The following CSMD1 variants were observed in gnomAD, a reference collection of about 807,000 sequenced individuals.
CSMD1 encodes CUB and sushi domain-containing protein 1.
CSMD1 carries 213 observed loss-of-function variants against 417.5 expected under a neutral mutation model. The observed-to-expected ratio is 0.51, with a 90% confidence interval of 0.46 to 0.57. The LOEUF is 0.57. CSMD1 is among the 20% of genes least tolerant of loss of function. The pLI is 0.00. For missense variants in CSMD1, 6,923 were observed against 4,529.7 expected (o/e 1.53, Z -15.17); for synonymous variants, 2,862 against 1,736.8 (o/e 1.65, Z -16.11).
chr8:4,480,449 C>T lies in CSMD1; in HGVS notation c.303-60384G>A, dbSNP rs1002114400. 7.7e-4 allele frequency among the ~76,000 whole-genome samples: 117 copies of T among 152,238 alleles called. 1 individual carries two copies. The highest frequency in any genetic ancestry group is 2.7e-3 in the Admixed American group (42 of 15,284). ...ATCTCGAGTCTATTGCGAGCATAAC[C>T]TTCTACTCTCATAAAAAAGCAGGGG... On this transcript the variant is annotated intron_variant, in intron 2 of 69. Coordinates refer to ENST00000635120, the MANE Select transcript of CSMD1 (RefSeq NM_033225.6).
chr8:4,606,248 G>C (rs1349331519), intron 2 of CSMD1, among the ~76,000 whole-genome samples: 1 of 151,902 alleles, frequency 6.6e-6, no homozygotes, highest in African/African-American at 2.4e-5. Flanking sequence ...GCTTCAGTTA[G>C]AAATAAAACC....
At chr8:3,742,370 TA>T (rs1796849942) in intron 6 of CSMD1, among the ~76,000 whole-genome samples, 1 of 152,206 alleles carries the variant, frequency 6.6e-6, no homozygotes, top group South Asian at 2.1e-4. Context: ...CTGACCCGAA[TA>T]TTTTTCAAGA....
At chr8:3,101,659 T>C (rs1815755074) in intron 46 of CSMD1, among the ~76,000 whole-genome samples, 1 of 152,084 alleles carries the variant, frequency 6.6e-6, no homozygotes, top group Non-Finnish European at 1.5e-5. Context: ...TCTCCTGACC[T>C]TGTGATCCGC....
chr8:3,939,937 C>T (rs573655237), intron 5 of CSMD1, among the ~76,000 whole-genome samples: 281 of 152,068 alleles, frequency 1.8e-3, no homozygotes, highest in African/African-American at 6.5e-3. Context: ...GACAGGTGCA[C>T]CGAATCTCAG....
chr8:4,231,858 A>C (rs1200053039), intron 3 of CSMD1, among the ~76,000 whole-genome samples: 1 of 152,236 alleles, frequency 6.6e-6, no homozygotes, highest in African/African-American at 2.4e-5. Context: ...GTATATGATA[A>C]AGGATCAAAC....
At chr8:2,961,101 AT>A in intron 62 of CSMD1, 39 bp downstream of exon 62, 1 of 1,334,218 alleles carries the variant, frequency 7.5e-7, no homozygotes, top group Non-Finnish European at 1.0e-6. Flanking sequence ...TATATTTTAT[AT>A]TTCCAGAAAG....
rs375192694 is a variant in CSMD1, at chr8:3,440,227, G to T, written c.1561+28485C>A. On this transcript the variant is annotated intron_variant, in intron 12 of 69. Coordinates refer to ENST00000635120, the MANE Select transcript of CSMD1 (RefSeq NM_033225.6). ...ATTCTTATAACAGGTGCATTAAACT[G>T]TATATCAATTTGGGAGATTTGAGAT... Among the ~76,000 whole-genome samples, 21 of 116,416 alleles carry T rather than the reference G, an allele frequency of 1.8e-4. No individual in the cohort carries two copies. The East Asian group carries it at 2.3e-3, about 13-fold the overall frequency. The allele number at this position is 116,416 out of a possible 152,430, so 76.4% of individuals were successfully genotyped here. A position where few individuals can be genotyped will look rare whatever the true frequency, so the allele number is the denominator to read the frequency against.
chr8:4,756,632 C>G (rs1454930255), intron 1 of CSMD1, among the ~76,000 whole-genome samples: 1 of 152,162 alleles, frequency 6.6e-6, no homozygotes, highest in Non-Finnish European at 1.5e-5. Context: ...TTGTCTCACT[C>G]CAGGATTAAC....
chr8:3,922,667 T>G (rs1439680565), intron 5 of CSMD1, among the ~76,000 whole-genome samples: 4 of 152,192 alleles, frequency 2.6e-5, no homozygotes, highest in African/African-American at 9.6e-5. Context: ...CTTTTAATTG[T>G]GCTTTTCATC....
At chr8:3,624,865 T>A (rs950924969) in intron 7 of CSMD1, among the ~76,000 whole-genome samples, 2 of 152,202 alleles carry the variant, frequency 1.3e-5, no homozygotes, top group African/African-American at 4.8e-5. Flanking sequence ...TTTTAATAAA[T>A]TTCTCCTCTT....
chr8:3,636,156 C>G (rs1797035706), intron 7 of CSMD1, among the ~76,000 whole-genome samples: 2 of 152,160 alleles, frequency 1.3e-5, no homozygotes, highest in East Asian at 1.9e-4. Flanking sequence ...AACACAGGGT[C>G]AGAATAATCA....
intron 2 of CSMD1, among the ~76,000 whole-genome samples, chr8:4,467,131 AAAAAAAAAAG>A (rs1187970237): frequency 2.1e-3 from 320 of 150,800 alleles, no homozygotes; most frequent in Non-Finnish European, 3.1e-3. Flanking sequence ...GTAAAAAAAA[AAAAAAAAAAG>A]AAAAAAAAAG....
chr8:4,839,452 A>G (rs1161481645), intron 1 of CSMD1, among the ~76,000 whole-genome samples: 2 of 152,228 alleles, frequency 1.3e-5, no homozygotes, highest in East Asian at 3.8e-4. Context: ...AAGTTGCTAG[A>G]CATTTAGAAT....
chr8:4,602,443 G>C (rs1032410982), intron 2 of CSMD1, among the ~76,000 whole-genome samples: 1 of 152,158 alleles, frequency 6.6e-6, no homozygotes, highest in Non-Finnish European at 1.5e-5. Context: ...ATATTTATAA[G>C]GAGGACAGCT....
In CSMD1 at chr8:4,500,683, G is replaced by C. The variant is rs115675329; in HGVS notation, c.303-80618C>G. Among the ~76,000 whole-genome samples the C allele has an allele frequency of 9.9e-3, 1,510 of 152,228 alleles. 26 individuals are homozygous for C. Among genetic ancestry groups the C allele is most frequent in the African/African-American group, 0.034 (1,418 of 41,550 alleles). The stretch of plus-strand genomic sequence containing the variant: ...AATGTTCTAGCTCTGGACACTGTGG[G>C]AGTGGTGGAGGTTTTCCTCTTGCGA... On this transcript the variant is annotated intron_variant, in intron 2 of 69. Coordinates refer to ENST00000635120, the MANE Select transcript of CSMD1 (RefSeq NM_033225.6).
At chr8:4,945,506 TA>T (rs1228740821) in intron 1 of CSMD1, among the ~76,000 whole-genome samples, 1 of 127,164 alleles carries the variant, frequency 7.9e-6, no homozygotes. Flanking sequence ...AAAAACAAAA[TA>T]AAAAGAGGAA....
At chr8:4,624,719 T>C (rs1801995811) in intron 2 of CSMD1, among the ~76,000 whole-genome samples, 1 of 152,158 alleles carries the variant, frequency 6.6e-6, no homozygotes, top group South Asian at 2.1e-4. Context: ...TTCTATGATC[T>C]GACACCTGCT....
chr8:3,895,022 T>C (rs964112470), intron 5 of CSMD1, among the ~76,000 whole-genome samples: 1 of 152,114 alleles, frequency 6.6e-6, no homozygotes, highest in African/African-American at 2.4e-5. Context: ...TGGAGGCCAT[T>C]TGTGAGGTAT....
At chr8:4,772,804 T>A (rs986283549) in intron 1 of CSMD1, among the ~76,000 whole-genome samples, 1 of 152,212 alleles carries the variant, frequency 6.6e-6, no homozygotes, top group East Asian at 1.9e-4. Context: ...ACTCATCTAA[T>A]TTCGGATACT....
Sources: gnomAD v4.1 joint callset for allele counts (sites outside exome capture counted in the v4.1 genomes callset) on GRCh38, gnomAD v4.1.1 for gene constraint, MANE v1.5 for transcripts, NCBI Gene and HGNC (gene_info 2026-07-23, HGNC 2026-07-21) for gene names.